CLUH: variants seen among roughly 807,000 people sequenced by gnomAD.
CLUH encodes CLUH binding protein of NUMT mRNA.
A neutral mutation model predicts 139.3 loss-of-function variants in CLUH; 77 were observed. That is an observed-to-expected ratio of 0.55 (90% confidence interval 0.46 to 0.67). CLUH has a LOEUF of 0.67. Among genes scored for constraint, CLUH ranks in the 30% least tolerant of loss-of-function variants. The pLI, the probability that CLUH is intolerant of heterozygous loss-of-function variation, is 0.00. For missense variants in CLUH, 1,876 were observed against 1,875.8 expected (o/e 1.00, Z 0.00); for synonymous variants, 999 against 801.6 (o/e 1.25, Z -4.16).
At position 2,691,952 on chromosome 17, in the gene CLUH, CCCCGCCACG is replaced by C. The variant is rs1567575669; in HGVS notation, c.3654+43_3654+51del. The C allele has an allele frequency of 1.5e-4, 158 of 1,029,416 alleles. 17 individuals are homozygous for C. In the East Asian group the frequency reaches 4.4e-3, roughly 28 times the overall value. 63.8% of individuals were successfully genotyped at this position (1,029,416 alleles called of 1,614,324 possible). A position where few individuals can be genotyped will look rare whatever the true frequency, so the allele number is the denominator to read the frequency against. On this transcript the variant is annotated intron_variant, in intron 23 of 25. Transcript: ENST00000651024. ...CCGTGCCCCCGCGGCCCCGCCCCCGCCCCGCCACGCCCCCGCCCCGCCCCCGCCCCCGCC... is the reference window on the plus strand; with the variant it reads ...CCGTGCCCCCGCGGCCCCGCCCCCGCCCCCCGCCCCGCCCCCGCCCCCGCC...
In CLUH at chr17:2,690,664, G is replaced by A. The variant is rs1287260628; in HGVS notation, c.3977C>T (p.Ala1326Val). ...EEPMATEPAP[A>V]GAPGDLGSQP... is the part of the protein sequence containing the mutation. ...GGAGCCCAGGTCTCCTGGGGCCCCC[G>A]CTGGCGCGGGCTCGGTAGCCATGGG... The change falls in exon 26 of 26, where the codon GCG becomes GTG. Residue 1326 changes from alanine to valine, a missense_variant. By Grantham distance (64) the Ala-to-Val change is moderately conservative. This residue lies in a region of CLUH where 1,454 missense variants were observed against 1,384.4 expected (regional missense o/e 1.05). Coordinates refer to ENST00000651024, the MANE Select transcript of CLUH (RefSeq NM_001366661.1). 3.4e-5 allele frequency: 52 copies of A among 1,544,246 alleles called. No individual in the cohort carries two copies. The highest frequency in any genetic ancestry group is 4.3e-5 in the Non-Finnish European group (50 of 1,152,486).
intron 3 of CLUH, among the ~76,000 whole-genome samples, chr17:2,702,733 A>C (rs1033384665): frequency 6.6e-6 from 1 of 151,808 alleles, no homozygotes; most frequent in African/African-American, 2.4e-5. Flanking sequence ...GGGACTTCTC[A>C]TGGATCTCTA....
intron 1 of CLUH, among the ~76,000 whole-genome samples, chr17:2,705,396 C>G (rs2070322676): frequency 6.6e-6 from 1 of 152,110 alleles, no homozygotes; most frequent in South Asian, 2.1e-4. Flanking sequence ...CTCAGGCACC[C>G]ACCTGAAGTC....
Position 2,697,892 on chromosome 17 carries a change from T to G in CLUH, c.1961+4A>C. 6.0e-6 allele frequency: 9 copies of G among 1,489,434 alleles called. No individual in the cohort carries two copies. The highest frequency in any genetic ancestry group is 6.3e-6 in the Non-Finnish European group (7 of 1,119,468). 92.3% of individuals were successfully genotyped at this position (1,489,434 alleles called of 1,614,324 possible). A position where few individuals can be genotyped will look rare whatever the true frequency, so the allele number is the denominator to read the frequency against. ...GGCCCTGGTCCGGCAGGGCCGCCCC[T>G]CACCTGTGCTCCACGAAGGCGTCCA... On this transcript the variant is annotated splice_donor_region_variant and intron_variant, in intron 10 of 25. Coordinates refer to ENST00000651024, the MANE Select transcript of CLUH (RefSeq NM_001366661.1).
Position 2,701,160 on chromosome 17 carries a change from G to A in CLUH, c.1005C>T (p.Phe335=), listed in dbSNP as rs375888870. 91 of 1,613,864 alleles carry A rather than the reference G, an allele frequency of 5.6e-5. No homozygotes were observed. The highest frequency in any genetic ancestry group is 6.7e-5 in the African/African-American group (5 of 74,938). The change falls in exon 7 of 26, where the codon TTC becomes TTT. Residue 335 remains phenylalanine (F), a synonymous_variant. Coordinates refer to ENST00000651024, the MANE Select transcript of CLUH (RefSeq NM_001366661.1). The part of the protein sequence containing the change: ...NQISPTFKKN[F]AVLQKKRVQR... ...ACTACCTTTTCTTCTGCAGCACAGCGAAGTTCTTCTTGAAGGTCGGGCTGA... is the reference window on the plus strand; with the variant it reads ...ACTACCTTTTCTTCTGCAGCACAGCAAAGTTCTTCTTGAAGGTCGGGCTGA...
intron 17 of CLUH, 50 bp downstream of exon 17, chr17:2,694,427 ACGC>A: frequency 1.3e-6 from 1 of 772,414 alleles, no homozygotes; most frequent in Admixed American, 3.8e-5. Flanking sequence ...TGCAGCAGGG[ACGC>A]AGCGGGGACA....
rs1487093421 is a variant in CLUH, at chr17:2,704,338, C to T, written c.303+24G>A. The T allele has an allele frequency of 6.2e-7, 1 of 1,601,696 alleles. No individual in the cohort carries two copies. The highest frequency in any genetic ancestry group is 2.3e-5 in the East Asian group (1 of 43,992). On this transcript the variant is annotated intron_variant, in intron 2 of 25. Transcript: ENST00000651024. The surrounding 1 kb of genome is among the most constrained non-coding windows in gnomAD (Gnocchi z 5.7). ...TCCCCAGCAGGCTCAGGCCTGGCCCCCAGCACCCGTTCCTCCATCTTACCT... is the reference window on the plus strand; with the variant it reads ...TCCCCAGCAGGCTCAGGCCTGGCCCTCAGCACCCGTTCCTCCATCTTACCT...
rs772624720 is a variant in CLUH at position 2,701,749 on chromosome 17, G to A, written c.620-12C>T. ...CCGCTTCCCGCTGTCTGAGGGACCCGAGGCTGGTGGTCAGCACAGGGCCAC... is the reference window on the plus strand; with the variant it reads ...CCGCTTCCCGCTGTCTGAGGGACCCAAGGCTGGTGGTCAGCACAGGGCCAC... On this transcript the variant is annotated splice_polypyrimidine_tract_variant and intron_variant, in intron 4 of 25. Transcript: ENST00000651024. 30 of 1,556,866 alleles carry A rather than the reference G, an allele frequency of 1.9e-5. No individual in the cohort carries two copies. Among genetic ancestry groups the A allele is most frequent in the South Asian group, 2.4e-5 (2 of 81,658 alleles).
chr17:2,707,315 G>A lies in CLUH; in HGVS notation c.101-2751C>T. Reference sequence around the variant, plus strand: ...CTGCCGCTACCCTTGCCCTAATGCAGCCAGTCGGCCCGGGGCTGGAGCTCC... The same window carrying A: ...CTGCCGCTACCCTTGCCCTAATGCAACCAGTCGGCCCGGGGCTGGAGCTCC... On this transcript the variant is annotated intron_variant, in intron 1 of 25. Coordinates refer to ENST00000651024, the MANE Select transcript of CLUH (RefSeq NM_001366661.1). The surrounding 1 kb of genome is among the most constrained non-coding windows in gnomAD (Gnocchi z 7.4). 1 of 985,428 alleles carries A rather than the reference G, an allele frequency of 1.0e-6. No individual in the cohort carries two copies. Among genetic ancestry groups the A allele is most frequent in the South Asian group, 4.7e-5 (1 of 21,292 alleles). The allele number at this position is 985,428 out of a possible 1,614,324, so 61.0% of individuals were successfully genotyped here.
intron 4 of CLUH, 85 bp from the exon 5 acceptor site, chr17:2,701,822 C>T: frequency 6.3e-7 from 1 of 1,580,076 alleles, no homozygotes; most frequent in Non-Finnish European, 8.6e-7. Flanking sequence ...GTCCGGGTGC[C>T]TCAGGCCCAG....
chr17:2,694,392 G>A, intron 17 of CLUH, 88 bp downstream of exon 17: 2 of 1,525,812 alleles, frequency 1.3e-6, no homozygotes, highest in Non-Finnish European at 1.8e-6. Flanking sequence ...CACTTCCCCT[G>A]TGGCCCTGGC....
In CLUH at chr17:2,700,715, G is replaced by T. The variant is rs999073959; in HGVS notation, c.1136C>A (p.Thr379Asn). Residue 379 changes from threonine to asparagine, a missense_variant, in exon 8 of 26, where the codon ACC becomes AAC. By Grantham distance (65) the Thr-to-Asn change is moderately conservative. Transcript: ENST00000651024. ...MDCVRAEDAYTSRLGYEEHIP... is the reference protein window; with the variant it reads ...MDCVRAEDAYNSRLGYEEHIP... ...GTGCTCCTCATAGCCCAGCCTCGAGGTGTAGGCGTCCTCTGCACGCACGCA... is the reference window on the plus strand; with the variant it reads ...GTGCTCCTCATAGCCCAGCCTCGAGTTGTAGGCGTCCTCTGCACGCACGCA... 2 of 1,537,168 alleles carry T rather than the reference G, an allele frequency of 1.3e-6. No individual in the cohort carries two copies.
chr17:2,698,619 G>GA (rs1567589369), intron 9 of CLUH, 29 bp from the exon 10 acceptor site: 2 of 1,535,512 alleles, frequency 1.3e-6, no homozygotes, highest in South Asian at 2.4e-5. Context: ...GGCAGGGTTA[G>GA]AGGCCGCGCC....
chr17:2,697,800 CG>C, intron 10 of CLUH, 95 bp downstream of exon 10: 1 of 1,157,112 alleles, frequency 8.6e-7, no homozygotes, highest in Non-Finnish European at 1.2e-6. Context: ...CACTCTCCAG[CG>C]CTTCTCCCTT....
At chr17:2,697,591 C>T (rs1396144716) in intron 10 of CLUH, among the ~76,000 whole-genome samples, 1 of 152,162 alleles carries the variant, frequency 6.6e-6, no homozygotes, top group Non-Finnish European at 1.5e-5. Context: ...CCCCGGTGCC[C>T]CACCTGCCCG....
At chr17:2,694,807 G>C (rs751851761) in intron 16 of CLUH, 50 bp downstream of exon 16, 1 of 1,462,354 alleles carries the variant, frequency 6.8e-7, no homozygotes, top group South Asian at 1.4e-5. Context: ...GGTGGTGGCC[G>C]CCTCATCTGC....
Position 2,704,410 on chromosome 17 carries a change from G to C in CLUH, c.255C>G (p.Gly85=), listed in dbSNP as rs1024847729. 5 of 1,611,366 alleles carry C rather than the reference G, an allele frequency of 3.1e-6. No homozygotes were observed. The Admixed American group carries it at 6.7e-5, about 22-fold the overall frequency. Residue 85 remains glycine, a synonymous_variant, in exon 2 of 26, where the codon GGC becomes GGG. Transcript: ENST00000651024. This position sits in a 1 kb window ranked among gnomAD's most constrained non-coding sequence, Gnocchi z 5.7. ...CAGGGGCGAGGATCTTCACAGAAAA[G>C]CCCGTGTCCTGAATGACAATGACTT... The part of the protein sequence containing the change: ...GQEVIVIQDT[G]FSVKILAPGI...
Position 2,707,419 on chromosome 17 carries a change from G to A in CLUH, c.101-2855C>T, listed in dbSNP as rs1004026075. 4.1e-6 allele frequency: 4 copies of A among 985,276 alleles called. No individual in the cohort carries two copies. In the African/African-American group the frequency reaches 7.0e-5, roughly 17 times the overall value. The allele number at this position is 985,276 out of a possible 1,614,324, so 61.0% of individuals were successfully genotyped here. On this transcript the variant is annotated intron_variant, in intron 1 of 25. Transcript: ENST00000651024. This position sits in a 1 kb window ranked among gnomAD's most constrained non-coding sequence, Gnocchi z 7.4. ...GCACACTCCCCCTGCCTGGCATCCCGCTCAAGGTCGGCCAGAAGGACGGCT... is the reference window on the plus strand; with the variant it reads ...GCACACTCCCCCTGCCTGGCATCCCACTCAAGGTCGGCCAGAAGGACGGCT...
At chr17:2,690,852 T>G in intron 25 of CLUH, 75 bp from the exon 26 acceptor site, 1 of 1,222,154 alleles carries the variant, frequency 8.2e-7, no homozygotes. Context: ...GGCTTTCCTG[T>G]GGGATAAGCT....
Sources: gnomAD v4.1 joint callset for allele counts (sites outside exome capture counted in the v4.1 genomes callset) on GRCh38, gnomAD v4.1.1 for gene constraint, gnomAD v4.1.1 regional missense constraint, Gnocchi (gnomAD v3.1) non-coding constraint, MANE v1.5 for transcripts, NCBI Gene and HGNC (gene_info 2026-07-23, HGNC 2026-07-21) for gene names.